TIAM2: variants seen among roughly 807,000 people sequenced by gnomAD.
TIAM2 encodes the protein TIAM Rac1 associated GEF 2, also known as rho guanine nucleotide exchange factor TIAM2.
In TIAM2, 80 loss-of-function variants were observed where a neutral mutation model predicts 152.9. The observed-to-expected ratio is 0.52, with a 90% CI of 0.44 to 0.63. The LOEUF is 0.63. TIAM2 is among the 30% of genes least tolerant of loss of function. The pLI is 0.00. For missense variants in TIAM2, 1,965 were observed against 2,120.1 expected, an observed-to-expected ratio of 0.93 and a Z score of 1.44; for synonymous variants, 804 against 838.0, an observed-to-expected ratio of 0.96 and a Z score of 0.70.
intron 2 of TIAM2, 117 bp from the exon 3 acceptor site, chr6:155,127,373 C>CAGTAATAA (rs1779319089): frequency 2.9e-6 from 1 of 343,252 alleles, no homozygotes; most frequent in African/African-American, 2.2e-5. Flanking sequence ...ATTACCTTGA[C>CAGTAATAA]AGTGACCCTG....
intron 1 of TIAM2, among the ~76,000 whole-genome samples, chr6:155,081,789 C>G (rs1778067750): frequency 6.6e-6 from 1 of 152,164 alleles, no homozygotes; most frequent in African/African-American, 2.4e-5. Context: ...GTTGTCAGGT[C>G]AGTAAATCTC....
chr6:155,253,020 T>G lies in TIAM2; in HGVS notation c.4192T>G (p.Ser1398Ala). The G allele has an allele frequency of 6.2e-7, 1 of 1,614,158 alleles. No individual in the cohort carries two copies. Among genetic ancestry groups the G allele is most frequent in the Non-Finnish European group, 8.5e-7 (1 of 1,180,016 alleles). ...PFKFRWLIPI[S>A]ALQVRLGNPA... ...TAAATTCCGCTGGTTGATCCCCATC[T>G]CCGCGCTTCAAGTCAGACTGGGGAA... The change falls in exon 24 of 27, where the codon TCC (serine) becomes GCC (alanine). Residue 1398 changes from serine to alanine, a missense_variant. By Grantham distance (99) the Ser-to-Ala change is moderately conservative. Around this residue, in one of 3 missense-constraint regions of TIAM2, gnomAD observed 935 missense variants for 980.0 expected, o/e 0.95. Coordinates refer to ENST00000682666, the MANE Select transcript of TIAM2 (RefSeq NM_012454.4).
At chr6:155,014,773 G>A (rs1778545259) in intron 1 of TIAM2, among the ~76,000 whole-genome samples, 1 of 152,200 alleles carries the variant, frequency 6.6e-6, no homozygotes, top group Non-Finnish European at 1.5e-5. Context: ...CCTTGGCAGA[G>A]ATAGGGCCAG....
chr6:155,180,250 T>A (rs937057525), intron 12 of TIAM2, among the ~76,000 whole-genome samples: 1 of 152,130 alleles, frequency 6.6e-6, no homozygotes, highest in Non-Finnish European at 1.5e-5. Flanking sequence ...TGCACCACTG[T>A]ACTCTAGCCT....
chr6:155,239,230 G>GT (rs1227723729), intron 15 of TIAM2, among the ~76,000 whole-genome samples: 1 of 152,216 alleles, frequency 6.6e-6, no homozygotes, highest in Non-Finnish European at 1.5e-5. Flanking sequence ...AAAAAGGAGA[G>GT]TTTTTTAGTT....
In TIAM2 at chr6:155,118,377, C is replaced by A. The variant is rs1015087940; in HGVS notation, c.-117-9113C>A. On this transcript the variant is annotated intron_variant, in intron 2 of 26. Coordinates refer to ENST00000682666, the MANE Select transcript of TIAM2 (RefSeq NM_012454.4). Reference sequence around the variant, plus strand: ...CTTTGAACAAGCCATTTTCTGTTCCCTGGAATTCCTTTCTTTCCTTTCCTT... The same window carrying A: ...CTTTGAACAAGCCATTTTCTGTTCCATGGAATTCCTTTCTTTCCTTTCCTT... Among the ~76,000 whole-genome samples the A allele has an allele frequency of 2.6e-5, 4 of 151,728 alleles. No individual in the cohort carries two copies. In the East Asian group the frequency reaches 7.7e-4, roughly 29 times the overall value.
At chr6:155,082,037 A>G (rs893614932) in intron 1 of TIAM2, among the ~76,000 whole-genome samples, 1 of 152,166 alleles carries the variant, frequency 6.6e-6, no homozygotes, top group Non-Finnish European at 1.5e-5. Flanking sequence ...GATGGGGTAA[A>G]GAAAAGGATA....
At chr6:155,256,269 A>T in intron 26 of TIAM2, 1 of 648,686 alleles carries the variant, frequency 1.5e-6, no homozygotes, top group South Asian at 2.0e-5. Context: ...TAATCTAAAA[A>T]TGCTGAATTG....
chr6:155,031,093 C>T (rs1003020930), intron 1 of TIAM2, among the ~76,000 whole-genome samples: 3 of 152,162 alleles, frequency 2.0e-5, no homozygotes, highest in African/African-American at 7.2e-5. Context: ...TCACAAGACA[C>T]TTTGTGTCTT....
intron 7 of TIAM2, among the ~76,000 whole-genome samples, chr6:155,159,734 C>G (rs1438766941): frequency 6.6e-6 from 1 of 152,090 alleles, no homozygotes; most frequent in Non-Finnish European, 1.5e-5. Flanking sequence ...AAGTTCCTCT[C>G]TACAACTTTG....
chr6:155,008,308 G>C (rs775274737), intron 1 of TIAM2, among the ~76,000 whole-genome samples: 8 of 152,312 alleles, frequency 5.3e-5, no homozygotes, highest in African/African-American at 1.9e-4. Context: ...TACAGTTAGT[G>C]GTTAGTCCGG....
intron 1 of TIAM2, among the ~76,000 whole-genome samples, chr6:155,057,017 C>CTTTTTTTTTTTTTTTTTTT (rs71023612): frequency 4.6e-5 from 2 of 43,868 alleles, no homozygotes; most frequent in African/African-American, 8.1e-5. Flanking sequence ...AGTTTTCTTT[C>CTTTTTTTTTTTTTTTTTTT]TTTTTTTTTT....
At chr6:155,004,502 T>C (rs1778365952) in intron 1 of TIAM2, among the ~76,000 whole-genome samples, 1 of 152,156 alleles carries the variant, frequency 6.6e-6, no homozygotes, top group Non-Finnish European at 1.5e-5. Context: ...GCGATTCTCC[T>C]GCCTCAGCCT....
In TIAM2 at chr6:155,127,600, G is replaced by A. The variant is rs192171401; in HGVS notation, c.-7G>A. 13 of 456,012 alleles carry A rather than the reference G, an allele frequency of 2.9e-5. No individual in the cohort carries two copies. Among genetic ancestry groups the A allele is most frequent in the African/African-American group, 2.2e-4 (11 of 50,154 alleles). The allele number at this position is 456,012 out of a possible 1,614,324, so 28.2% of individuals were successfully genotyped here. A position where few individuals can be genotyped will look rare whatever the true frequency, so the allele number is the denominator to read the frequency against. Reference sequence around the variant, plus strand: ...CCCTCACAGCAGAAACTAGACGTCAGGTAAACCCAACCCTTGTGCCTGGGG... The same window carrying A: ...CCCTCACAGCAGAAACTAGACGTCAAGTAAACCCAACCCTTGTGCCTGGGG... On this transcript the variant is annotated splice_region_variant and 5_prime_UTR_variant, in exon 3 of 27. Transcript: ENST00000682666.
At chr6:154,996,370 C>T (rs1371752357) in intron 1 of TIAM2, among the ~76,000 whole-genome samples, 1 of 152,038 alleles carries the variant, frequency 6.6e-6, no homozygotes, top group Non-Finnish European at 1.5e-5. Context: ...GGAGGTTTTC[C>T]TGCTTTTCTC....
At chr6:155,210,388 T>G (rs560961113) in intron 14 of TIAM2, among the ~76,000 whole-genome samples, 2 of 151,876 alleles carry the variant, frequency 1.3e-5, no homozygotes, top group Non-Finnish European at 2.9e-5. Flanking sequence ...GCACGATTAC[T>G]GCTCACTGCC....
At chr6:155,046,232 T>C (rs1175952197) in intron 1 of TIAM2, among the ~76,000 whole-genome samples, 4 of 152,164 alleles carry the variant, frequency 2.6e-5, no homozygotes, top group African/African-American at 9.7e-5. Flanking sequence ...TCTCTTCCTG[T>C]TTCCAGCATT....
chr6:155,246,332 TC>T (rs1490466094), intron 19 of TIAM2, among the ~76,000 whole-genome samples: 2 of 152,044 alleles, frequency 1.3e-5, no homozygotes, highest in Admixed American at 6.6e-5. Flanking sequence ...CGTCATGATA[TC>T]CCAGAAGAAA....
intron 14 of TIAM2, among the ~76,000 whole-genome samples, chr6:155,196,538 C>T (rs6919431): frequency 0.21 from 32,096 of 151,944 alleles, 3,840 homozygotes; most frequent in East Asian, 0.48. Context: ...AATAATCTTA[C>T]CTAGAAGATG....
Sources: allele counts gnomAD v4.1 joint callset (sites outside exome capture counted in the v4.1 genomes callset), GRCh38; gene constraint gnomAD v4.1.1; regional missense constraint gnomAD v4.1.1; transcripts MANE v1.5; gene names NCBI Gene and HGNC (gene_info 2026-07-23, HGNC 2026-07-21).